The following ZNF215 variants were observed in gnomAD, a reference collection of about 807,000 sequenced individuals.
The protein encoded by ZNF215 is zinc finger protein 215, also known as BWSCR2-associated zinc finger protein 2.
In ZNF215, 24 loss-of-function variants were observed where a neutral mutation model predicts 27.2. That is an observed-to-expected ratio of 0.88 (90% CI 0.64 to 1.24). The LOEUF (loss-of-function observed/expected upper bound fraction) is 1.24, where lower values mean the gene tolerates loss of function less well. ZNF215 is among the 50% of genes most tolerant of loss of function. ZNF215 has a pLI of 0.00. For missense variants in ZNF215, 675 were observed against 605.7 expected (o/e 1.11, Z -1.20); for synonymous variants, 210 against 204.0 (o/e 1.03, Z -0.25).
intron 3 of ZNF215, among the ~76,000 whole-genome samples, chr11:6,936,630 G>A (rs1017836510): frequency 3.3e-5 from 5 of 152,010 alleles, no homozygotes; most frequent in Non-Finnish European, 5.9e-5. Context: ...GTTATCCTGT[G>A]AGGCAAGTAT....
At chr11:6,968,608 G>A (rs1343154413) in intron 5 of ZNF215, among the ~76,000 whole-genome samples, 1 of 150,276 alleles carries the variant, frequency 6.7e-6, no homozygotes, top group African/African-American at 2.4e-5. Context: ...GCTCACACCT[G>A]TAATCCCAGC....
At chr11:6,943,747 A>G in intron 6 of ZNF215, 106 bp downstream of exon 6, 1 of 893,468 alleles carries the variant, frequency 1.1e-6, no homozygotes, top group Non-Finnish European at 1.8e-6. Flanking sequence ...AGGAGATAGC[A>G]AAACCTAAAC....
intron 3 of ZNF215, among the ~76,000 whole-genome samples, chr11:6,936,780 A>C (rs1175670902): frequency 6.6e-6 from 1 of 151,990 alleles, no homozygotes; most frequent in Non-Finnish European, 1.5e-5. Context: ...AACAAATGAA[A>C]ATATATCAGT....
chr11:6,964,131 C>G (rs952733978), intron 5 of ZNF215, among the ~76,000 whole-genome samples: 1 of 151,788 alleles, frequency 6.6e-6, no homozygotes, highest in Non-Finnish European at 1.5e-5. Flanking sequence ...CTTCTTAAAT[C>G]TTTTGGCTAT....
At chr11:6,982,601 A>G (rs535608936) in intron 5 of ZNF215, among the ~76,000 whole-genome samples, 6 of 152,276 alleles carry the variant, frequency 3.9e-5, no homozygotes, top group African/African-American at 1.4e-4. Context: ...GGATTAAGAA[A>G]CTCACTCAAA....
At chr11:6,985,573 C>T (rs1024050594), downstream of ZNF215, among the ~76,000 whole-genome samples, 2 of 151,862 alleles carry the variant, frequency 1.3e-5, no homozygotes, top group Non-Finnish European at 2.9e-5. Flanking sequence ...GAAATGCATC[C>T]AAATAGGAAA....
At chr11:6,986,704 A>C (rs546082636), downstream of ZNF215, among the ~76,000 whole-genome samples, 1 of 152,302 alleles carries the variant, frequency 6.6e-6, no homozygotes, top group South Asian at 2.1e-4. Flanking sequence ...ACATGAACAG[A>C]CACTTTTCAA....
At chr11:6,982,714 A>C (rs1179100258) in intron 5 of ZNF215, among the ~76,000 whole-genome samples, 5 of 152,002 alleles carry the variant, frequency 3.3e-5, no homozygotes, top group Admixed American at 3.3e-4. Context: ...ACCAACGAGA[A>C]CAAAGACACA....
intron 5 of ZNF215, among the ~76,000 whole-genome samples, chr11:6,980,197 G>T (rs140270150): frequency 6.6e-6 from 1 of 151,932 alleles, no homozygotes; most frequent in East Asian, 1.9e-4. Flanking sequence ...GTCATTGGAA[G>T]AAATCAAAAT....
At chr11:6,963,619 G>T (rs1287654859) in intron 5 of ZNF215, among the ~76,000 whole-genome samples, 1 of 152,034 alleles carries the variant, frequency 6.6e-6, no homozygotes, top group Non-Finnish European at 1.5e-5. Flanking sequence ...TTTGTGTTAA[G>T]ATATGTTTTC....
chr11:6,940,376 C>T (rs916576578), intron 3 of ZNF215, among the ~76,000 whole-genome samples: 3 of 152,208 alleles, frequency 2.0e-5, no homozygotes, highest in African/African-American at 7.2e-5. Context: ...GCGAACACCA[C>T]TCACTGCAGC....
At chr11:6,968,865 CA>C (rs111730871) in intron 5 of ZNF215, among the ~76,000 whole-genome samples, 1,663 of 146,346 alleles carry the variant, frequency 0.011, 29 homozygotes, top group African/African-American at 0.039. Context: ...GACCCCATCT[CA>C]AAAAAAAAAA....
chr11:6,967,968 G>T (rs959781666), intron 5 of ZNF215, among the ~76,000 whole-genome samples: 7 of 152,180 alleles, frequency 4.6e-5, no homozygotes, highest in Non-Finnish European at 1.0e-4. Context: ...TGTATAAGGT[G>T]TAAGGAAGGG....
In ZNF215 at chr11:6,963,526, C is replaced by A. The variant is rs564197537; in HGVS notation, c.805+7744C>A. ...GTTATTCATATATATAGGAATAACT[C>A]ATTCATTCACCAGTTGAAAGACATT... On this transcript the variant is annotated intron_variant, in intron 5 of 5. Coordinates refer to the ZNF215 transcript ENST00000529903. Among the ~76,000 whole-genome samples, 247 of 152,048 alleles carry A rather than the reference C, an allele frequency of 1.6e-3. 3 individuals carry two copies. The highest frequency in any genetic ancestry group is 5.5e-3 in the African/African-American group (230 of 41,480).
At chr11:6,981,942 G>T (rs1850961503) in intron 5 of ZNF215, among the ~76,000 whole-genome samples, 1 of 151,996 alleles carries the variant, frequency 6.6e-6, no homozygotes. Context: ...TATTTCTGGG[G>T]GCTCTGTTGT....
chr11:6,957,995 G>T lies in ZNF215; in HGVS notation c.*1464G>T. 4 of 985,354 alleles carry T rather than the reference G, an allele frequency of 4.1e-6. No individual in the cohort carries two copies. The highest frequency in any genetic ancestry group is 4.8e-6 in the Non-Finnish European group (4 of 829,926). 61.0% of individuals were successfully genotyped at this position (985,354 alleles called of 1,614,324 possible). On this transcript the variant is annotated 3_prime_UTR_variant, in exon 7 of 7. Coordinates refer to ENST00000278319, the MANE Select transcript of ZNF215 (RefSeq NM_013250.4). The stretch of plus-strand genomic sequence containing the variant: ...GTGAAGGTTCATACCTTATTCAAAG[G>T]CAGAAAAGGTATACTGGAGTGAACT...
At chr11:6,929,470 GT>G (rs1356968130) in intron 2 of ZNF215, among the ~76,000 whole-genome samples, 1 of 152,028 alleles carries the variant, frequency 6.6e-6, no homozygotes, top group African/African-American at 2.4e-5. Flanking sequence ...ACATTCTGTT[GT>G]CATGCCCCCT....
chr11:6,943,294 G>C, intron 5 of ZNF215, 79 bp downstream of exon 5: 1 of 1,527,048 alleles, frequency 6.5e-7, no homozygotes. Context: ...TGCTGAAGTG[G>C]CTAAGTTCAC....
chr11:6,993,249 C>T (rs920925748), downstream of ZNF215, among the ~76,000 whole-genome samples: 7 of 152,148 alleles, frequency 4.6e-5, no homozygotes, highest in Admixed American at 2.0e-4. Flanking sequence ...AAACTCTCTT[C>T]TCACTGTACT....
Sources: allele counts gnomAD v4.1 joint callset (sites outside exome capture counted in the v4.1 genomes callset), GRCh38; gene constraint gnomAD v4.1.1; transcripts MANE v1.5; gene names NCBI Gene and HGNC (gene_info 2026-07-23, HGNC 2026-07-21).